GRM7: variants seen among roughly 807,000 people sequenced by gnomAD.
GRM7 encodes metabotropic glutamate receptor 7.
A neutral mutation model predicts 84.5 loss-of-function variants in GRM7; 35 were observed. That is an observed-to-expected ratio of 0.41 (90% CI 0.32 to 0.55). The LOEUF (loss-of-function observed/expected upper bound fraction) is 0.55. Ranked by LOEUF, GRM7 falls within the 20% of genes least tolerant of loss-of-function variation. The pLI, the probability that GRM7 is intolerant of heterozygous loss-of-function variation, is 0.19. For synonymous variants in GRM7, 487 were observed against 455.1 expected, an observed-to-expected ratio of 1.07 and a Z score of -0.89; for missense variants, 1,003 against 1,194.6, an observed-to-expected ratio of 0.84 and a Z score of 2.36.
At chr3:7,576,348 C>A (rs1024369015) in intron 7 of GRM7, among the ~76,000 whole-genome samples, 3 of 152,196 alleles carry the variant, frequency 2.0e-5, no homozygotes, top group Non-Finnish European at 4.4e-5. Flanking sequence ...CTGACTTGGG[C>A]TTTCTGCTTA....
intron 7 of GRM7, among the ~76,000 whole-genome samples, chr3:7,565,163 C>T (rs545920059): frequency 1.3e-3 from 202 of 152,262 alleles, no homozygotes; most frequent in Non-Finnish European, 2.6e-3. Flanking sequence ...TGGATCCTTT[C>T]ATCATTTCTA....
At chr3:7,023,224 T>A (rs1271672298) in intron 1 of GRM7, among the ~76,000 whole-genome samples, 2 of 152,120 alleles carry the variant, frequency 1.3e-5, no homozygotes, top group African/African-American at 4.8e-5. Context: ...TTATTGATCT[T>A]TCCTAGTTAT....
intron 2 of GRM7, among the ~76,000 whole-genome samples, chr3:7,212,596 G>T (rs1407100147): frequency 6.6e-6 from 1 of 152,200 alleles, no homozygotes; most frequent in Non-Finnish European, 1.5e-5. Context: ...AATACAGGAA[G>T]AGAAGAAGGA....
chr3:7,690,639 C>T (rs531426202), intron 9 of GRM7, among the ~76,000 whole-genome samples: 13 of 152,250 alleles, frequency 8.5e-5, no homozygotes, highest in South Asian at 6.2e-4. Context: ...TATAAACCAA[C>T]GAAGTTTTAT....
chr3:7,233,505 G>T (rs1697258008), intron 2 of GRM7, among the ~76,000 whole-genome samples: 1 of 152,082 alleles, frequency 6.6e-6, no homozygotes, highest in Non-Finnish European at 1.5e-5. Flanking sequence ...TTGTAACTTT[G>T]AGGTTTCTTA....
At chr3:7,614,881 T>G (rs1697013154) in intron 8 of GRM7, among the ~76,000 whole-genome samples, 1 of 152,186 alleles carries the variant, frequency 6.6e-6, no homozygotes, top group Non-Finnish European at 1.5e-5. Context: ...CAAAATAGAT[T>G]CATTTGTATT....
At chr3:6,881,361 A>T (rs1027232999) in intron 1 of GRM7, among the ~76,000 whole-genome samples, 1 of 152,062 alleles carries the variant, frequency 6.6e-6, no homozygotes, top group African/African-American at 2.4e-5. Context: ...CTCATTGTTC[A>T]GCTCCCATTT....
chr3:7,099,492 C>T (rs190991121), intron 1 of GRM7, among the ~76,000 whole-genome samples: 9 of 144,500 alleles, frequency 6.2e-5, no homozygotes, highest in African/African-American at 2.4e-4. Context: ...TATATGTACA[C>T]GCATTATACA....
intron 4 of GRM7, among the ~76,000 whole-genome samples, chr3:7,346,221 A>G (rs563571436): frequency 6.6e-6 from 1 of 152,276 alleles, no homozygotes; most frequent in African/African-American, 2.4e-5. Context: ...CTGTAAAAGT[A>G]TTGATCTCAG....
chr3:7,179,349 C>G (rs1457288400), intron 2 of GRM7, among the ~76,000 whole-genome samples: 1 of 152,172 alleles, frequency 6.6e-6, no homozygotes, highest in Non-Finnish European at 1.5e-5. Context: ...AAATAAACCT[C>G]TAATATATGC....
At chr3:7,466,503 T>C (rs1041232482) in intron 7 of GRM7, among the ~76,000 whole-genome samples, 6 of 152,196 alleles carry the variant, frequency 3.9e-5, no homozygotes, top group Non-Finnish European at 7.4e-5. Context: ...TCTAAATCGA[T>C]GTTGTAAGTA....
At chr3:7,315,354 A>G (rs80000525) in intron 4 of GRM7, among the ~76,000 whole-genome samples, 2,092 of 152,236 alleles carry the variant, frequency 0.014, 54 homozygotes, top group African/African-American at 0.046. Flanking sequence ...GTACTTTTCA[A>G]TGCCCTCATT....
chr3:7,229,989 A>G (rs932821554), intron 2 of GRM7, among the ~76,000 whole-genome samples: 2 of 149,844 alleles, frequency 1.3e-5, no homozygotes, highest in South Asian at 2.1e-4. Flanking sequence ...ACAGGCGCCC[A>G]CCACCACGCC....
At position 6,861,177 on chromosome 3, in the gene GRM7, G is replaced by T. The variant is rs1694740805; in HGVS notation, c.-212G>T. The stretch of plus-strand genomic sequence containing the variant: ...TGAGCGCGAGCGCGGCGCGCCGGCC[G>T]GCTAACCCGAGAGCGCGAGGCGCCC... On this transcript the variant is annotated 5_prime_UTR_variant, in exon 1 of 10. Coordinates refer to ENST00000357716, the MANE Select transcript of GRM7 (RefSeq NM_000844.4). The surrounding 1 kb of genome is among the most constrained non-coding windows in gnomAD (Gnocchi z 6.4). The T allele has an allele frequency of 2.3e-6, 1 of 444,160 alleles. No homozygotes were observed. The highest frequency in any genetic ancestry group is 2.1e-5 in the African/African-American group (1 of 48,502). The allele number at this position is 444,160 out of a possible 1,614,324, so 27.5% of individuals were successfully genotyped here.
At chr3:7,664,772 G>A (rs961320853) in intron 8 of GRM7, among the ~76,000 whole-genome samples, 4 of 151,922 alleles carry the variant, frequency 2.6e-5, no homozygotes, top group Admixed American at 6.6e-5. Context: ...AAAGATACTG[G>A]GGCACTCAAT....
At chr3:7,210,320 C>G (rs1311717896) in intron 2 of GRM7, among the ~76,000 whole-genome samples, 1 of 152,190 alleles carries the variant, frequency 6.6e-6, no homozygotes. Flanking sequence ...GAAACATACC[C>G]TAAGAAGCTT....
At chr3:7,471,027 A>C (rs1283658144) in intron 7 of GRM7, among the ~76,000 whole-genome samples, 2 of 151,554 alleles carry the variant, frequency 1.3e-5, no homozygotes, top group Non-Finnish European at 2.9e-5. Flanking sequence ...GAAATCATTT[A>C]ACATTCCTGA....
chr3:7,453,127 C>G (rs115366192), intron 6 of GRM7, among the ~76,000 whole-genome samples: 17 of 150,704 alleles, frequency 1.1e-4, no homozygotes, highest in Admixed American at 6.0e-4. Context: ...GCTGTAGGTA[C>G]CTCTGAATAT....
chr3:7,170,831 G>A (rs550143799), intron 2 of GRM7, among the ~76,000 whole-genome samples: 1 of 152,254 alleles, frequency 6.6e-6, no homozygotes, highest in Non-Finnish European at 1.5e-5. Context: ...ACATGATTCT[G>A]TATGACCTGG....
Sources: allele counts gnomAD v4.1 joint callset (sites outside exome capture counted in the v4.1 genomes callset), GRCh38; gene constraint gnomAD v4.1.1; non-coding constraint Gnocchi (gnomAD v3.1); transcripts MANE v1.5; gene names NCBI Gene and HGNC (gene_info 2026-07-23, HGNC 2026-07-21).